The following KANSL1 variants were observed in gnomAD, a reference collection of about 807,000 sequenced individuals.
KANSL1 encodes KAT8 regulatory NSL complex subunit 1.
Under a neutral mutation model 103.6 loss-of-function variants are expected in KANSL1, and 22 were observed. The observed-to-expected ratio is 0.21, with a 90% CI of 0.15 to 0.30. The LOEUF (loss-of-function observed/expected upper bound fraction) is 0.30. KANSL1 is among the 10% of genes least tolerant of loss of function. KANSL1 has a pLI of 1.00. For synonymous variants in KANSL1, 600 were observed against 527.6 expected (o/e 1.14, Z -1.88); for missense variants, 1,337 against 1,399.8 (o/e 0.96, Z 0.72).
At chr17:46,101,649 G>A (rs1166252146) in intron 2 of KANSL1, among the ~76,000 whole-genome samples, 1 of 150,836 alleles carries the variant, frequency 6.6e-6, no homozygotes, top group African/African-American at 2.4e-5. Flanking sequence ...AGCTACTCAG[G>A]AGGCTGAGGC....
chr17:46,040,187 C>G (rs2077270257), intron 7 of KANSL1: 2 of 404,676 alleles, frequency 4.9e-6, no homozygotes, highest in Non-Finnish European at 8.8e-6. Flanking sequence ...TTGAAAACAT[C>G]CTGTTTCTAT....
chr17:46,200,928 A>G (rs1035900518), intron 1 of KANSL1, among the ~76,000 whole-genome samples: 12 of 151,146 alleles, frequency 7.9e-5, no homozygotes, highest in Non-Finnish European at 1.5e-4. Flanking sequence ...TTTTTGAGAC[A>G]CAGTCTCACT....
At chr17:46,200,177 A>G (rs1357024708) in intron 1 of KANSL1, among the ~76,000 whole-genome samples, 1 of 152,256 alleles carries the variant, frequency 6.6e-6, no homozygotes, top group Non-Finnish European at 1.5e-5. Context: ...ACATAGAAGG[A>G]GTATTCTAAT....
At chr17:46,181,516 G>A (rs1205149326) in intron 1 of KANSL1, among the ~76,000 whole-genome samples, 4 of 151,870 alleles carry the variant, frequency 2.6e-5, no homozygotes, top group Admixed American at 6.5e-5. Context: ...TGCAACCTCC[G>A]CCTCCCAGGT....
intron 1 of KANSL1, among the ~76,000 whole-genome samples, chr17:46,175,226 A>G (rs1484272635): frequency 1.3e-5 from 2 of 152,188 alleles, no homozygotes. Context: ...TTGAATCATT[A>G]ACATAAAAAT....
chr17:46,162,256 T>C (rs2045781257), intron 2 of KANSL1, among the ~76,000 whole-genome samples: 1 of 152,232 alleles, frequency 6.6e-6, no homozygotes, highest in South Asian at 2.1e-4. Context: ...TCTACCCAGC[T>C]TGCAAAATAA....
At chr17:46,108,189 T>C (rs2042652858) in intron 2 of KANSL1, among the ~76,000 whole-genome samples, 1 of 152,226 alleles carries the variant, frequency 6.6e-6, no homozygotes, top group Non-Finnish European at 1.5e-5. Flanking sequence ...ACAACGACCC[T>C]GTAAGGCCTC....
At chr17:46,179,817 C>T (rs1462053170) in intron 1 of KANSL1, among the ~76,000 whole-genome samples, 1 of 152,124 alleles carries the variant, frequency 6.6e-6, no homozygotes, top group African/African-American at 2.4e-5. Context: ...GCCTATAATC[C>T]CAGGACTTTG....
chr17:46,111,372 C>A (rs561538372), intron 2 of KANSL1, among the ~76,000 whole-genome samples: 2 of 152,156 alleles, frequency 1.3e-5, no homozygotes, highest in Non-Finnish European at 2.9e-5. Flanking sequence ...CCAAGCCCAG[C>A]TAATTTTTTG....
Position 46,094,586 on chromosome 17 carries a change from T to C in KANSL1, c.1405A>G (p.Ile469Val), listed in dbSNP as rs1397262734. Residue 469 changes from isoleucine (I) to valine (V), a missense_variant, in exon 3 of 15, where the codon ATT (isoleucine) becomes GTT (valine). This residue lies in a region of KANSL1 where 780 missense variants were observed against 923.4 expected (regional missense o/e 0.84). Transcript: ENST00000432791. ...LEYRIRQQTD[I>V]YKQIRANKGL... Reference sequence around the variant, plus strand: ...TTATTAGCACGTATCTGTTTGTAAATGTCTGTTTGCTGACGAATTCGATAT... The same window carrying C: ...TTATTAGCACGTATCTGTTTGTAAACGTCTGTTTGCTGACGAATTCGATAT... 6.2e-7 allele frequency: 1 copy of C among 1,613,476 alleles called. No individual in the cohort carries two copies. Among genetic ancestry groups the C allele is most frequent in the Non-Finnish European group, 8.5e-7 (1 of 1,180,004 alleles).
upstream of KANSL1, among the ~76,000 whole-genome samples, chr17:46,224,281 A>C (rs1432394760): frequency 6.6e-6 from 1 of 152,208 alleles, no homozygotes; most frequent in Non-Finnish European, 1.5e-5. Context: ...AGAAACAAAT[A>C]AAAGACCCTT....
At chr17:46,053,671 G>A (rs1031388463) in intron 6 of KANSL1, among the ~76,000 whole-genome samples, 44 of 152,126 alleles carry the variant, frequency 2.9e-4, no homozygotes, top group African/African-American at 6.5e-4. Flanking sequence ...TCCTGACCTC[G>A]TGATCTGCCC....
chr17:46,053,534 C>A (rs990734637), intron 6 of KANSL1, among the ~76,000 whole-genome samples: 1 of 151,888 alleles, frequency 6.6e-6, no homozygotes, highest in Non-Finnish European at 1.5e-5. Context: ...CAGGTTCACA[C>A]CATTCTCCTG....
At chr17:46,167,536 G>A (rs2046066837) in intron 2 of KANSL1, among the ~76,000 whole-genome samples, 1 of 152,184 alleles carries the variant, frequency 6.6e-6, no homozygotes, top group Admixed American at 6.5e-5. Flanking sequence ...ACAACGTACT[G>A]CAGAATTTTC....
chr17:46,132,868 G>A (rs2043934333), intron 2 of KANSL1, among the ~76,000 whole-genome samples: 1 of 152,178 alleles, frequency 6.6e-6, no homozygotes, highest in South Asian at 2.1e-4. Context: ...ACTTGAGCCT[G>A]GGAGGTCGAG....
intron 2 of KANSL1, among the ~76,000 whole-genome samples, chr17:46,113,078 G>T (rs1011140658): frequency 5.3e-5 from 8 of 152,268 alleles, no homozygotes; most frequent in African/African-American, 1.4e-4. Flanking sequence ...AGAATACAAA[G>T]AAACTAGCAA....
intron 1 of KANSL1, among the ~76,000 whole-genome samples, chr17:46,174,277 T>G (rs1268629824): frequency 6.6e-6 from 1 of 152,142 alleles, no homozygotes; most frequent in African/African-American, 2.4e-5. Flanking sequence ...CTCTGCCTCC[T>G]GGGTTCAAGT....
At chr17:46,106,424 G>A (rs79923708) in intron 2 of KANSL1, among the ~76,000 whole-genome samples, 21,684 of 151,882 alleles carry the variant, frequency 0.14, 2,126 homozygotes, top group Non-Finnish European at 0.22. Flanking sequence ...ATGGAGTCTC[G>A]CTCTTTCGCC....
At chr17:46,116,106 A>G (rs1038193000) in intron 2 of KANSL1, among the ~76,000 whole-genome samples, 3 of 152,260 alleles carry the variant, frequency 2.0e-5, no homozygotes, top group Non-Finnish European at 4.4e-5. Flanking sequence ...CTTACGACAG[A>G]GTGAAAACTA....
Sources: allele counts gnomAD v4.1 joint callset (sites outside exome capture counted in the v4.1 genomes callset), GRCh38; gene constraint gnomAD v4.1.1; regional missense constraint gnomAD v4.1.1; transcripts MANE v1.5; gene names NCBI Gene and HGNC (gene_info 2026-07-23, HGNC 2026-07-21).